Variants in GCFC2 observed in about 807,000 individuals in gnomAD.
The protein encoded by GCFC2 is GC-rich sequence DNA-binding factor 2.
GCFC2 carries 102 observed loss-of-function variants against 99.4 expected under a neutral mutation model. The ratio of observed to expected loss-of-function variants is 1.03; its 90% CI spans 0.87 to 1.21. The LOEUF is 1.21. Ranked by LOEUF, GCFC2 falls within the 50% of genes most tolerant of loss-of-function variation. The pLI is 0.00. For missense variants in GCFC2, 973 were observed against 920.9 expected, an observed-to-expected ratio of 1.06 and a Z score of -0.73; for synonymous variants, 338 against 316.8, an observed-to-expected ratio of 1.07 and a Z score of -0.71.
At chr2:75,699,091 T>C (rs1277770594) in intron 4 of GCFC2, among the ~76,000 whole-genome samples, 1 of 151,982 alleles carries the variant, frequency 6.6e-6, no homozygotes, top group Non-Finnish European at 1.5e-5. Context: ...GAGGATGCTA[T>C]GATAAAAACA....
intron 15 of GCFC2, among the ~76,000 whole-genome samples, chr2:75,669,277 TCTAA>T (rs1161387313): frequency 1.3e-5 from 2 of 152,180 alleles, no homozygotes; most frequent in East Asian, 3.8e-4. Flanking sequence ...TCTTAACTTT[TCTAA>T]CTTTCTATTA....
chr2:75,680,223 A>G lies in GCFC2; in HGVS notation c.1782T>C (p.Thr594=), dbSNP rs201272948. The change falls in exon 12 of 17, where the codon ACT becomes ACC. Residue 594 remains threonine (T), a synonymous_variant. Coordinates refer to ENST00000321027, the MANE Select transcript of GCFC2 (RefSeq NM_003203.5). ...TGCTTTTACTAACTTCATTTTCACA[A>G]GTGGAATGTTCTTCAAGAATCACTC... is the stretch of plus-strand genomic sequence containing the variant. ...HCRVILEEHS[T]CENEVSKSRQ... is the part of the protein sequence containing the mutation. The G allele has an allele frequency of 1.8e-5, 29 of 1,607,054 alleles. No individual in the cohort carries two copies. In the Admixed American group the frequency reaches 3.2e-4, roughly 18 times the overall value.
At chr2:75,700,342 TATA>T (rs1680530630) in intron 4 of GCFC2, among the ~76,000 whole-genome samples, 1 of 152,202 alleles carries the variant, frequency 6.6e-6, no homozygotes, top group South Asian at 2.1e-4. Context: ...CATATTTGTG[TATA>T]ATATTTACCA....
At position 75,664,791 on chromosome 2, in the gene GCFC2, A is replaced by G. The variant is rs1484058191; in HGVS notation, c.2229-8T>C. 3.8e-6 allele frequency: 5 copies of G among 1,312,666 alleles called. No individual in the cohort carries two copies. Among genetic ancestry groups the G allele is most frequent in the Non-Finnish European group, 5.5e-6 (5 of 912,306 alleles). The allele number at this position is 1,312,666 out of a possible 1,614,324, so 81.3% of individuals were successfully genotyped here. On this transcript the variant is annotated splice_region_variant and splice_polypyrimidine_tract_variant and intron_variant, in intron 16 of 16. Coordinates refer to ENST00000321027, the MANE Select transcript of GCFC2 (RefSeq NM_003203.5). ...ATTTCTTCGACTTCATCCCTGAAAAACAAAACAAATTTCTCCCTTTAAAAA... is the reference window on the plus strand; with the variant it reads ...ATTTCTTCGACTTCATCCCTGAAAAGCAAAACAAATTTCTCCCTTTAAAAA...
chr2:75,710,719 G>A lies in GCFC2; in HGVS notation c.137C>T (p.Pro46Leu), dbSNP rs1190096215. 6.4e-7 allele frequency: 1 copy of A among 1,551,960 alleles called. No homozygotes were observed. The highest frequency in any genetic ancestry group is 1.4e-5 in the African/African-American group (1 of 71,194). The change falls in exon 1 of 17, where the codon CCC becomes CTC. Residue 46 changes from proline (P) to leucine (L), a missense_variant. Pro to Leu is a moderately conservative substitution (Grantham distance 98). Transcript: ENST00000321027. ...PVPGSAEEEP[P>L]SGGGRAQVAG... ...CACCTGCGCGCGGCCTCCTCCAGAGGGCGGCTCTTCCTCCGCAGAACCCGG... is the reference window on the plus strand; with the variant it reads ...CACCTGCGCGCGGCCTCCTCCAGAGAGCGGCTCTTCCTCCGCAGAACCCGG...
In GCFC2 at chr2:75,674,041, G is replaced by A. The variant is rs565910352; in HGVS notation, c.1813-521C>T. Among the ~76,000 whole-genome samples, 17 of 152,128 alleles carry A rather than the reference G, an allele frequency of 1.1e-4. No homozygotes were observed. In the South Asian group the frequency reaches 3.5e-3, roughly 31 times the overall value. On this transcript the variant is annotated intron_variant, in intron 12 of 16. Transcript: ENST00000321027. ...TTGTTTTTTAATGTTTGCAATTATA[G>A]TGGGTATGCAGTCATATTTCATTTT...
intron 12 of GCFC2, among the ~76,000 whole-genome samples, chr2:75,675,286 T>C (rs542274514): frequency 9.2e-5 from 14 of 152,192 alleles, no homozygotes; most frequent in Non-Finnish European, 1.8e-4. Context: ...AGAAAACATA[T>C]TGTATGTATA....
rs951240885 is a variant in GCFC2 at position 75,664,514 on chromosome 2, A to C, written c.*152T>G. 14 of 458,426 alleles carry C rather than the reference A, an allele frequency of 3.1e-5. No individual in the cohort carries two copies. The highest frequency in any genetic ancestry group is 5.4e-5 in the Non-Finnish European group (14 of 259,442). The allele number at this position is 458,426 out of a possible 1,614,324, so 28.4% of individuals were successfully genotyped here. ...AGCTTTTCATGATGCCAGAAGGTAAAGCACGGGGGAATACAGAGGTGGAGT... is the reference window on the plus strand; with the variant it reads ...AGCTTTTCATGATGCCAGAAGGTAACGCACGGGGGAATACAGAGGTGGAGT... On this transcript the variant is annotated 3_prime_UTR_variant, in exon 17 of 17. Coordinates refer to ENST00000321027, the MANE Select transcript of GCFC2 (RefSeq NM_003203.5).
At chr2:75,665,871 G>A in intron 16 of GCFC2, 58 bp downstream of exon 16, 4 of 1,119,414 alleles carry the variant, frequency 3.6e-6, no homozygotes, top group Non-Finnish European at 5.0e-6. Flanking sequence ...AAAAGTTGTT[G>A]AGAGCATACA....
At chr2:75,670,456 T>G (rs1469667970) in intron 14 of GCFC2, 172 bp from the exon 15 acceptor site, 1 of 473,810 alleles carries the variant, frequency 2.1e-6, no homozygotes, top group Non-Finnish European at 3.8e-6. Flanking sequence ...CTTTCCAAAC[T>G]CCATGTATTT....
At chr2:75,691,866 G>A (rs1423917581) in intron 7 of GCFC2, 111 bp downstream of exon 7, 5 of 534,266 alleles carry the variant, frequency 9.4e-6, no homozygotes, top group Admixed American at 8.8e-5. Flanking sequence ...TGGGTAAAGG[G>A]TTTGTGGGAA....
intron 11 of GCFC2, 95 bp from the exon 12 acceptor site, chr2:75,680,409 C>G: frequency 1.1e-6 from 1 of 929,056 alleles, no homozygotes; most frequent in Non-Finnish European, 1.6e-6. Flanking sequence ...CACTACTTCC[C>G]TCCTTATTCA....
chr2:75,683,771 C>CTAAAAA (rs1679683145), intron 11 of GCFC2, among the ~76,000 whole-genome samples: 1 of 60,424 alleles, frequency 1.7e-5, no homozygotes, highest in Non-Finnish European at 3.1e-5. Context: ...AAATGGAAAG[C>CTAAAAA]AAAAAAAAAA....
At chr2:75,710,353 A>T (rs1681089294) in intron 1 of GCFC2, 1 of 912,224 alleles carries the variant, frequency 1.1e-6, no homozygotes, top group African/African-American at 1.8e-5. Flanking sequence ...AGAGCCTCCC[A>T]ACTGTACACG....
chr2:75,687,820 G>A lies in GCFC2; in HGVS notation c.1690+7C>T. 6.3e-7 allele frequency: 1 copy of A among 1,595,716 alleles called. No homozygotes were observed. ...AATTTAATTTTACCAAGGTTACGAA[G>A]CAGTACCTGTAAGTCGGGGAATAAT... On this transcript the variant is annotated splice_region_variant and intron_variant, in intron 11 of 16. Coordinates refer to ENST00000321027, the MANE Select transcript of GCFC2 (RefSeq NM_003203.5).
chr2:75,675,476 C>T (rs1679291750), intron 12 of GCFC2, among the ~76,000 whole-genome samples: 1 of 152,088 alleles, frequency 6.6e-6, no homozygotes, highest in African/African-American at 2.4e-5. Flanking sequence ...GTTGCCGTGG[C>T]TCATGCCTGT....
intron 4 of GCFC2, among the ~76,000 whole-genome samples, chr2:75,700,138 C>G (rs1471782377): frequency 6.6e-6 from 1 of 152,010 alleles, no homozygotes; most frequent in Admixed American, 6.6e-5. Context: ...CTCAAGTGAT[C>G]CACCTGACTC....
intron 16 of GCFC2, 130 bp from the exon 17 acceptor site, chr2:75,664,913 T>TA: frequency 1.6e-6 from 1 of 607,750 alleles, no homozygotes; most frequent in Non-Finnish European, 2.9e-6. Flanking sequence ...TAAAGTAGCA[T>TA]AAAACACAGA....
chr2:75,667,978 T>G (rs183571413), intron 15 of GCFC2, among the ~76,000 whole-genome samples: 2 of 152,192 alleles, frequency 1.3e-5, no homozygotes, highest in Non-Finnish European at 1.5e-5. Context: ...TAGGTTTCCA[T>G]TAGCAACCAG....
Sources: gnomAD v4.1 joint callset for allele counts (sites outside exome capture counted in the v4.1 genomes callset) on GRCh38, gnomAD v4.1.1 for gene constraint, MANE v1.5 for transcripts, NCBI Gene and HGNC (gene_info 2026-07-23, HGNC 2026-07-21) for gene names.